The following GDPD5 variants were observed in gnomAD, a reference collection of about 807,000 sequenced individuals.
The protein encoded by GDPD5 is glycerophosphodiester phosphodiesterase domain containing 5.
A neutral mutation model predicts 75.1 loss-of-function variants in GDPD5; 48 were observed. The ratio of observed to expected loss-of-function variants is 0.64; its 90% CI spans 0.51 to 0.81. GDPD5 has a LOEUF of 0.81. Ranked by LOEUF, GDPD5 falls within the 40% of genes least tolerant of loss-of-function variation. GDPD5 has a pLI of 0.00. For missense variants in GDPD5, 706 were observed against 822.6 expected (o/e 0.86, Z 1.73); for synonymous variants, 336 against 339.0 (o/e 0.99, Z 0.10).
chr11:75,499,895 C>T (rs2135448647), intron 1 of GDPD5, among the ~76,000 whole-genome samples: 1 of 152,330 alleles, frequency 6.6e-6, no homozygotes, highest in Non-Finnish European at 1.5e-5. Context: ...GCTTCAACTC[C>T]TGACCTGAAC....
intron 16 of GDPD5, among the ~76,000 whole-genome samples, chr11:75,435,980 C>A (rs950434521): frequency 6.6e-6 from 1 of 152,204 alleles, no homozygotes; most frequent in South Asian, 2.1e-4. Context: ...CCCAACAACA[C>A]CTCCTTTTCC....
At chr11:75,475,568 G>A (rs1453487470) in intron 3 of GDPD5, among the ~76,000 whole-genome samples, 2 of 152,166 alleles carry the variant, frequency 1.3e-5, no homozygotes, top group Non-Finnish European at 2.9e-5. Flanking sequence ...GAGAAATGGG[G>A]AGAGAGAGAA....
chr11:75,491,498 T>A (rs1030616794), intron 1 of GDPD5, among the ~76,000 whole-genome samples: 1 of 152,128 alleles, frequency 6.6e-6, no homozygotes, highest in Non-Finnish European at 1.5e-5. Flanking sequence ...CTCAGTTAAG[T>A]CTAGGCTGGG....
At position 75,436,609 on chromosome 11, in the gene GDPD5, C is replaced by T. The variant is rs12280047; in HGVS notation, c.1669+327G>A. Among the ~76,000 whole-genome samples, 169 of 152,136 alleles carry T rather than the reference C, an allele frequency of 1.1e-3. 1 individual carries two copies. The highest frequency in any genetic ancestry group is 3.9e-3 in the African/African-American group (160 of 41,470). ...AAGGGTGAGGCCAACATTGTAGGAT[C>T]CAAGTACGAACCAGGCAAAGGGGGA... On this transcript the variant is annotated intron_variant, in intron 16 of 16. Coordinates refer to ENST00000336898, the MANE Select transcript of GDPD5 (RefSeq NM_030792.8).
chr11:75,439,225 G>A (rs980491144), intron 15 of GDPD5: 7 of 418,016 alleles, frequency 1.7e-5, no homozygotes, highest in African/African-American at 4.1e-5. Flanking sequence ...CGCTGTCTGC[G>A]AGGTGGCCCG....
At chr11:75,472,891 A>G (rs1949699919) in intron 3 of GDPD5, among the ~76,000 whole-genome samples, 1 of 151,938 alleles carries the variant, frequency 6.6e-6, no homozygotes, top group South Asian at 2.1e-4. Flanking sequence ...GGGAGTGAGG[A>G]AGGTGGGGAG....
In GDPD5 at chr11:75,449,141, G is replaced by C. The variant is rs771321650; in HGVS notation, c.569-19C>G. On this transcript the variant is annotated intron_variant, in intron 8 of 16. Coordinates refer to ENST00000336898, the MANE Select transcript of GDPD5 (RefSeq NM_030792.8). ...TGGGAGGCTGCAGATAAGGGGCCGT[G>C]AGTGCTGCCTGGTGAGCCCTGGGCA... is the stretch of plus-strand genomic sequence containing the variant. The C allele has an allele frequency of 6.4e-7, 1 of 1,561,490 alleles. No individual in the cohort carries two copies. Among genetic ancestry groups the C allele is most frequent in the Admixed American group, 2.0e-5 (1 of 51,244 alleles).
chr11:75,444,962 G>A (rs1244035378), intron 9 of GDPD5, among the ~76,000 whole-genome samples: 2 of 152,084 alleles, frequency 1.3e-5, no homozygotes, highest in Non-Finnish European at 2.9e-5. Flanking sequence ...AGTCCAGGGG[G>A]GAGACCTGGA....
At chr11:75,489,650 T>C (rs750893636) in intron 2 of GDPD5, among the ~76,000 whole-genome samples, 12 of 152,180 alleles carry the variant, frequency 7.9e-5, no homozygotes, top group Non-Finnish European at 1.5e-4. Flanking sequence ...AACCCTCAGA[T>C]TGGAGGTTAA....
At chr11:75,503,825 C>G (rs894841026) in intron 1 of GDPD5, among the ~76,000 whole-genome samples, 2 of 152,188 alleles carry the variant, frequency 1.3e-5, no homozygotes, top group Non-Finnish European at 2.9e-5. Context: ...TTGGCCTCCA[C>G]CCACTACAGA....
At chr11:75,445,192 C>G (rs1388916845) in intron 9 of GDPD5, among the ~76,000 whole-genome samples, 1 of 152,148 alleles carries the variant, frequency 6.6e-6, no homozygotes, top group Non-Finnish European at 1.5e-5. Context: ...TGCTGTCACC[C>G]AGGCTGTAGT....
intron 10 of GDPD5, among the ~76,000 whole-genome samples, chr11:75,444,056 GA>G (rs1247238222): frequency 6.6e-6 from 1 of 152,192 alleles, no homozygotes; most frequent in East Asian, 1.9e-4. Flanking sequence ...TGTACATGGA[GA>G]AAGTGTATAT....
At chr11:75,437,499 G>A (rs901148097) in intron 15 of GDPD5, 2 of 159,682 alleles carry the variant, frequency 1.3e-5, no homozygotes, top group African/African-American at 2.4e-5. Flanking sequence ...CCATTGGGGA[G>A]ACCCCTTGAG....
intron 9 of GDPD5, chr11:75,448,590 C>T (rs1949048210): frequency 9.9e-7 from 1 of 1,009,594 alleles, no homozygotes; most frequent in Non-Finnish European, 1.2e-6. Context: ...TTCAGCCGTA[C>T]TCACTGTCAC....
chr11:75,470,054 C>A (rs1231407682), intron 3 of GDPD5, among the ~76,000 whole-genome samples: 2 of 152,164 alleles, frequency 1.3e-5, no homozygotes, highest in African/African-American at 4.8e-5. Flanking sequence ...GAGCTCAGAG[C>A]CCGGATCCTT....
At position 75,512,281 on chromosome 11, in the gene GDPD5, G is replaced by GGGACAC. The variant is rs566304066; in HGVS notation, c.-145+12928_-145+12929insGTGTCC. Among the ~76,000 whole-genome samples the GGGACAC allele has an allele frequency of 5.7e-5, 7 of 123,176 alleles. No homozygotes were observed. The East Asian group carries it at 1.8e-3, about 32-fold the overall frequency. The allele number at this position is 123,176 out of a possible 152,430, so 80.8% of individuals were successfully genotyped here. A position where few individuals can be genotyped will look rare whatever the true frequency, so the allele number is the denominator to read the frequency against. On this transcript the variant is annotated intron_variant, in intron 1 of 16. Coordinates refer to ENST00000336898, the MANE Select transcript of GDPD5 (RefSeq NM_030792.8). ...CTGGTAGAAGCATGAAATTGGGAAG[G>GGGACAC]ACACACACACACACACACACACACA...
intron 1 of GDPD5, among the ~76,000 whole-genome samples, chr11:75,493,684 G>C (rs112471941): frequency 9.9e-5 from 15 of 152,130 alleles, no homozygotes; most frequent in Non-Finnish European, 2.2e-4. Context: ...GTGCAGCAGG[G>C]GGGGGCCTAA....
At chr11:75,522,363 G>A (rs1941498763) in intron 1 of GDPD5, among the ~76,000 whole-genome samples, 2 of 152,110 alleles carry the variant, frequency 1.3e-5, no homozygotes, top group Non-Finnish European at 2.9e-5. Flanking sequence ...AGGACCCCCC[G>A]TCTTTGCAGC....
At chr11:75,495,064 G>A (rs916227682) in intron 1 of GDPD5, among the ~76,000 whole-genome samples, 6 of 151,984 alleles carry the variant, frequency 3.9e-5, no homozygotes, top group Admixed American at 2.0e-4. Context: ...TCAGGAGCTC[G>A]AGACCATTCT....
Sources: gnomAD v4.1 joint callset for allele counts (sites outside exome capture counted in the v4.1 genomes callset) on GRCh38, gnomAD v4.1.1 for gene constraint, MANE v1.5 for transcripts, NCBI Gene and HGNC (gene_info 2026-07-23, HGNC 2026-07-21) for gene names.